The following CD244 variants were observed in gnomAD, a reference collection of about 807,000 sequenced individuals.
The protein encoded by CD244 is natural killer cell receptor 2B4.
In CD244, 20 loss-of-function variants were observed where a neutral mutation model predicts 45.5. That is an observed-to-expected ratio of 0.44 (90% CI 0.31 to 0.64). The LOEUF (loss-of-function observed/expected upper bound fraction) is 0.64. CD244 is among the 30% of genes least tolerant of loss of function. The pLI, the probability that CD244 is intolerant of heterozygous loss-of-function variation, is 0.08. For synonymous variants in CD244, 185 were observed against 160.5 expected (o/e 1.15, Z -1.15); for missense variants, 407 against 426.9 (o/e 0.95, Z 0.41).
chr1:160,839,441 G>C (rs1460364225), intron 3 of CD244, among the ~76,000 whole-genome samples: 1 of 152,138 alleles, frequency 6.6e-6, no homozygotes, highest in Non-Finnish European at 1.5e-5. Flanking sequence ...GCCCTCCAAA[G>C]TTTTGAGTTC....
At chr1:160,853,225 G>A (rs1669981169) in intron 1 of CD244, among the ~76,000 whole-genome samples, 1 of 152,174 alleles carries the variant, frequency 6.6e-6, no homozygotes, top group African/African-American at 2.4e-5. Context: ...CAATAATGTG[G>A]ATGGATCTCA....
Position 160,841,674 on chromosome 1 carries a change from C to T in CD244, c.289G>A (p.Ala97Thr), listed in dbSNP as rs1669547278. The stretch of plus-strand genomic sequence containing the variant: ...TAGAGGCCACTGTCCTGCTGCTGAG[C>T]TGCCTTGATGAGAAGACTCAAGTTC... ...VKNLSLLIKA[A>T]QQQDSGLYCL... The change falls in exon 2 of 9, where the codon GCT becomes ACT. Residue 97 changes from alanine to threonine, a missense_variant. Coordinates refer to ENST00000368034, the MANE Select transcript of CD244 (RefSeq NM_016382.4). The T allele has an allele frequency of 1.2e-6, 2 of 1,614,186 alleles. No homozygotes were observed. Among genetic ancestry groups the T allele is most frequent in the East Asian group, 4.5e-5 (2 of 44,890 alleles).
chr1:160,837,949 C>T (rs1669391409), intron 5 of CD244, among the ~76,000 whole-genome samples: 1 of 152,218 alleles, frequency 6.6e-6, no homozygotes, highest in Non-Finnish European at 1.5e-5. Context: ...GGCTTTGTGC[C>T]AGGCTGGTTA....
intron 6 of CD244, among the ~76,000 whole-genome samples, chr1:160,835,422 C>A (rs1329160835): frequency 6.6e-6 from 1 of 152,114 alleles, no homozygotes; most frequent in Non-Finnish European, 1.5e-5. Context: ...AGTATTAGAA[C>A]TATTTTCATG....
intron 1 of CD244, among the ~76,000 whole-genome samples, chr1:160,850,645 T>C (rs1669888045): frequency 6.6e-6 from 1 of 152,182 alleles, no homozygotes; most frequent in Non-Finnish European, 1.5e-5. Context: ...AATATAATAG[T>C]CTAGAAATAG....
chr1:160,837,055 C>T (rs972380515), intron 5 of CD244, among the ~76,000 whole-genome samples: 1 of 152,118 alleles, frequency 6.6e-6, no homozygotes, highest in Non-Finnish European at 1.5e-5. Flanking sequence ...CGTCCAGACC[C>T]GTGTGAAGTG....
At position 160,834,334 on chromosome 1, in the gene CD244, T is replaced by C. The variant is rs140150395; in HGVS notation, c.895-218A>G. ...ATTTGTTGAGCATTTATCTTATACA[T>C]GTATTCTCCTCTAACTGTTTTTTTG... On this transcript the variant is annotated intron_variant, in intron 6 of 8. Coordinates refer to ENST00000368034, the MANE Select transcript of CD244 (RefSeq NM_016382.4). Among the ~76,000 whole-genome samples, 860 of 152,324 alleles carry C rather than the reference T, an allele frequency of 5.6e-3. 5 individuals are homozygous for C. Among genetic ancestry groups the C allele is most frequent in the Non-Finnish European group, 0.01 (683 of 68,018 alleles).
At chr1:160,861,262 CTCA>C (rs1670292572) in intron 1 of CD244, among the ~76,000 whole-genome samples, 1 of 152,190 alleles carries the variant, frequency 6.6e-6, no homozygotes, top group Admixed American at 6.5e-5. Context: ...CTCCCTGTTC[CTCA>C]TCATGCTCTG....
intron 7 of CD244, chr1:160,832,868 G>GTA (rs1215738031): frequency 5.1e-5 from 16 of 316,158 alleles, no homozygotes; most frequent in African/African-American, 3.9e-4. Flanking sequence ...GTGTGTGTGT[G>GTA]TGTATATATA....
intron 3 of CD244, 80 bp from the exon 4 acceptor site, chr1:160,839,129 C>T (rs1669445406): frequency 1.1e-6 from 1 of 951,592 alleles, no homozygotes; most frequent in Non-Finnish European, 1.6e-6. Flanking sequence ...GCAGGGGCTG[C>T]CTCAAAACCC....
At chr1:160,847,039 T>C (rs1036432815) in intron 1 of CD244, among the ~76,000 whole-genome samples, 1 of 151,348 alleles carries the variant, frequency 6.6e-6, no homozygotes, top group Admixed American at 6.6e-5. Context: ...AAATATCAAT[T>C]AAATACAAAA....
In CD244 at chr1:160,830,510, T is replaced by G. The variant is rs1416864489; in HGVS notation, c.*837A>C. On this transcript the variant is annotated 3_prime_UTR_variant, in exon 9 of 9. Coordinates refer to ENST00000368034, the MANE Select transcript of CD244 (RefSeq NM_016382.4). ...CATCCTGGGGAACACTCATCAGGAC[T>G]CAGAACTTAAATAGAACATGGTTTC... The G allele has an allele frequency of 2.0e-5, 3 of 152,350 alleles. No individual in the cohort carries two copies. The highest frequency in any genetic ancestry group is 2.0e-4 in the Admixed American group (3 of 15,286). The allele number at this position is 152,350 out of a possible 1,614,324, so 9.4% of individuals were successfully genotyped here. A position where few individuals can be genotyped will look rare whatever the true frequency, so the allele number is the denominator to read the frequency against.
intron 4 of CD244, 134 bp downstream of exon 4, chr1:160,838,805 C>T (rs1016210499): frequency 5.2e-5 from 34 of 655,508 alleles, no homozygotes; most frequent in South Asian, 2.5e-4. Flanking sequence ...CCCGCCACCA[C>T]GCACACAAAC....
Position 160,841,462 on chromosome 1 carries a change from G to T in CD244, c.403C>A (p.Gln135Lys). The stretch of plus-strand genomic sequence containing the variant: ...CTGTCCAGGATCTTCCCCTGCCCCT[G>T]TAGGCGGGGTTTCTCAACTTTATCT... ...VFDKVEKPRL[Q>K]GQGKILDRGR... The change falls in exon 3 of 9, where the codon CAG becomes AAG. Residue 135 changes from glutamine (Q) to lysine (K), a missense_variant. Gln to Lys is a moderately conservative substitution (Grantham distance 53, BLOSUM62 1). Transcript: ENST00000368034. 6.2e-7 allele frequency: 1 copy of T among 1,614,018 alleles called. No homozygotes were observed. The highest frequency in any genetic ancestry group is 8.5e-7 in the Non-Finnish European group (1 of 1,180,008).
At chr1:160,834,009 T>A (rs758835109) in intron 7 of CD244, 42 bp downstream of exon 7, 14 of 1,405,850 alleles carry the variant, frequency 1.0e-5, no homozygotes, top group African/African-American at 1.4e-5. Context: ...AATACACATC[T>A]ACATCAACAA....
intron 1 of CD244, among the ~76,000 whole-genome samples, chr1:160,857,304 A>G (rs972085581): frequency 6.6e-6 from 1 of 152,242 alleles, no homozygotes; most frequent in Non-Finnish European, 1.5e-5. Context: ...TTCTGCCCCT[A>G]GAGATATACC....
Position 160,835,863 on chromosome 1 carries a change from G to T in CD244, c.894+332C>A, listed in dbSNP as rs117252978. Among the ~76,000 whole-genome samples, 1,088 of 152,252 alleles carry T rather than the reference G, an allele frequency of 7.1e-3. 24 individuals carry two copies. The highest frequency in any genetic ancestry group is 0.052 in the East Asian group (270 of 5,180). On this transcript the variant is annotated intron_variant, in intron 6 of 8. Transcript: ENST00000368034. The stretch of plus-strand genomic sequence containing the variant: ...AGGGAATAGGGATAAAAAGTGCAAG[G>T]GCCCCAAGTATTAGAAGCAGCAGCA...
chr1:160,831,643 G>A (rs540805922), intron 8 of CD244, among the ~76,000 whole-genome samples: 1 of 152,328 alleles, frequency 6.6e-6, no homozygotes, highest in South Asian at 2.1e-4. Flanking sequence ...AACCACATAT[G>A]CTTTTTCATG....
chr1:160,837,620 C>T (rs1225804126), intron 5 of CD244, among the ~76,000 whole-genome samples: 2 of 152,206 alleles, frequency 1.3e-5, no homozygotes, highest in Non-Finnish European at 2.9e-5. Context: ...GTGGCCAGCA[C>T]GGAAGAGCCC....
Sources: gnomAD v4.1 joint callset for allele counts (sites outside exome capture counted in the v4.1 genomes callset) on GRCh38, gnomAD v4.1.1 for gene constraint, MANE v1.5 for transcripts, NCBI Gene and HGNC (gene_info 2026-07-23, HGNC 2026-07-21) for gene names.